The following MCF2L2 variants were observed in gnomAD, a reference collection of about 807,000 sequenced individuals.
The protein encoded by MCF2L2 is MCF.2 cell line derived transforming sequence-like 2.
A neutral mutation model predicts 150.2 loss-of-function variants in MCF2L2; 102 were observed. That is an observed-to-expected ratio of 0.68 (90% CI 0.58 to 0.80). MCF2L2 has a LOEUF of 0.80. Ranked by LOEUF, MCF2L2 falls within the 30% of genes least tolerant of loss-of-function variation. The probability of loss-of-function intolerance (pLI) is 0.00; values close to 1 mark genes in which losing one functional copy is unlikely to be tolerated. For synonymous variants in MCF2L2, 465 were observed against 491.3 expected, an observed-to-expected ratio of 0.95 and a Z score of 0.71; for missense variants, 1,256 against 1,372.8, an observed-to-expected ratio of 0.91 and a Z score of 1.34.
intron 22 of MCF2L2, among the ~76,000 whole-genome samples, chr3:183,212,231 T>C (rs1422626333): frequency 6.6e-6 from 1 of 152,174 alleles, no homozygotes; most frequent in Non-Finnish European, 1.5e-5. Context: ...CGTCTAGCCG[T>C]CAAAACTGTG....
intron 22 of MCF2L2, 128 bp downstream of exon 22, chr3:183,215,841 G>A: frequency 8.7e-7 from 1 of 1,142,954 alleles, no homozygotes; most frequent in Non-Finnish European, 1.2e-6. Context: ...AGCAATTTAG[G>A]CGACTGTCCT....
At chr3:183,184,039 CA>C (rs1192161517) in intron 27 of MCF2L2, among the ~76,000 whole-genome samples, 2 of 152,066 alleles carry the variant, frequency 1.3e-5, no homozygotes, top group East Asian at 1.9e-4. Context: ...GTTTTTGAGA[CA>C]GGGGTCTCGC....
intron 3 of MCF2L2, among the ~76,000 whole-genome samples, chr3:183,368,730 CT>C (rs1187409433): frequency 6.6e-6 from 1 of 152,200 alleles, no homozygotes; most frequent in Non-Finnish European, 1.5e-5. Context: ...TGCCACTGCA[CT>C]CCAGCCTGGG....
At chr3:183,410,992 G>A (rs1261206293) in intron 1 of MCF2L2, among the ~76,000 whole-genome samples, 1 of 152,138 alleles carries the variant, frequency 6.6e-6, no homozygotes, top group Non-Finnish European at 1.5e-5. Context: ...GGCCCAGGGG[G>A]ACCTCCTGCT....
chr3:183,194,297 T>A (rs1722008739), intron 26 of MCF2L2, among the ~76,000 whole-genome samples: 1 of 152,132 alleles, frequency 6.6e-6, no homozygotes, highest in African/African-American at 2.4e-5. Context: ...ATATATTGAG[T>A]ATCCCTGAGT....
intron 1 of MCF2L2, among the ~76,000 whole-genome samples, chr3:183,391,890 G>C (rs755385344): frequency 6.6e-6 from 1 of 150,666 alleles, no homozygotes. Flanking sequence ...GCATTTTTTT[G>C]ATTTCTCTTT....
intron 6 of MCF2L2, among the ~76,000 whole-genome samples, chr3:183,319,145 T>C (rs1219580813): frequency 6.6e-6 from 1 of 152,242 alleles, no homozygotes; most frequent in Non-Finnish European, 1.5e-5. Flanking sequence ...GTAGACTAAG[T>C]TTATGGAATA....
chr3:183,312,404 C>T (rs76716024), intron 7 of MCF2L2, among the ~76,000 whole-genome samples: 34 of 152,326 alleles, frequency 2.2e-4, no homozygotes, highest in African/African-American at 8.2e-4. Context: ...CCAAAGCCAA[C>T]AGCTGTAGTC....
intron 15 of MCF2L2, chr3:183,269,934 TA>T: frequency 6.2e-7 from 1 of 1,614,190 alleles, no homozygotes. Flanking sequence ...TATGAAGTCA[TA>T]TTCTTACAGA....
intron 3 of MCF2L2, among the ~76,000 whole-genome samples, chr3:183,362,580 A>G (rs1044163396): frequency 4.6e-5 from 7 of 150,908 alleles, no homozygotes; most frequent in Admixed American, 1.3e-4. Flanking sequence ...AAGAAGTAAT[A>G]GGTACAATTT....
At chr3:183,383,048 C>T (rs1275349482) in intron 2 of MCF2L2, among the ~76,000 whole-genome samples, 1 of 152,066 alleles carries the variant, frequency 6.6e-6, no homozygotes, top group Admixed American at 6.6e-5. Context: ...AATCTCAGGG[C>T]CTAGGATACT....
chr3:183,270,173 C>G lies in MCF2L2; in HGVS notation c.1862+6699G>C. ...TTCGGTCTCAGCTGAATGCCAACAT[C>G]AAAACTCTGTTTGCCTTAGGAACTC... On this transcript the variant is annotated intron_variant, in intron 15 of 29. Coordinates refer to ENST00000328913, the MANE Select transcript of MCF2L2 (RefSeq NM_015078.4). The surrounding 1 kb of genome is among the most constrained non-coding windows in gnomAD (Gnocchi z 4.5). The G allele has an allele frequency of 6.2e-7, 1 of 1,614,140 alleles. No individual in the cohort carries two copies. The highest frequency in any genetic ancestry group is 1.1e-5 in the South Asian group (1 of 91,078).
rs1333464696 is a variant in MCF2L2 at position 183,347,717 on chromosome 3, A to C, written c.276-6087T>G. 2.6e-5 allele frequency among the ~76,000 whole-genome samples: 4 copies of C among 152,188 alleles called. No homozygotes were observed. In the East Asian group the frequency reaches 7.7e-4, roughly 29 times the overall value. On this transcript the variant is annotated intron_variant, in intron 3 of 29. Transcript: ENST00000328913. The stretch of plus-strand genomic sequence containing the variant: ...TTAAACAAATTTACCAGAAAAAAAC[A>C]ACCTCATCAAAAAGTGGGTGAAGGA...
chr3:183,392,607 G>C (rs1055371047), intron 1 of MCF2L2, among the ~76,000 whole-genome samples: 1 of 152,196 alleles, frequency 6.6e-6, no homozygotes, highest in African/African-American at 2.4e-5. Context: ...GGTTATCCTT[G>C]AAGTCTTCCT....
intron 3 of MCF2L2, among the ~76,000 whole-genome samples, chr3:183,360,496 G>C (rs990424397): frequency 1.3e-5 from 2 of 151,990 alleles, no homozygotes; most frequent in African/African-American, 4.8e-5. Flanking sequence ...GAGTCCGGGA[G>C]TTCAAGGCTG....
chr3:183,230,644 T>A (rs1255370792), intron 16 of MCF2L2, among the ~76,000 whole-genome samples: 1 of 152,178 alleles, frequency 6.6e-6, no homozygotes, highest in Non-Finnish European at 1.5e-5. Flanking sequence ...AAACAAGAAA[T>A]AATCTTCCCT....
At chr3:183,250,106 A>AAC (rs543600608) in intron 15 of MCF2L2, among the ~76,000 whole-genome samples, 19 of 152,206 alleles carry the variant, frequency 1.2e-4, no homozygotes, top group Non-Finnish European at 2.4e-4. Context: ...ACTGACACAT[A>AAC]ACAGCCTGGG....
chr3:183,180,383 C>G (rs1377562576), intron 27 of MCF2L2: 1 of 509,356 alleles, frequency 2.0e-6, no homozygotes, highest in Non-Finnish European at 3.5e-6. Flanking sequence ...GGCGCGTCCA[C>G]ATGCTGTTCA....
At chr3:183,322,692 A>G (rs1448073924) in intron 6 of MCF2L2, among the ~76,000 whole-genome samples, 1 of 152,158 alleles carries the variant, frequency 6.6e-6, no homozygotes, top group Non-Finnish European at 1.5e-5. Context: ...ACATGGGTAT[A>G]TTGCATGATG....
Sources: gnomAD v4.1 joint callset for allele counts (sites outside exome capture counted in the v4.1 genomes callset) on GRCh38, gnomAD v4.1.1 for gene constraint, Gnocchi (gnomAD v3.1) non-coding constraint, MANE v1.5 for transcripts, NCBI Gene and HGNC (gene_info 2026-07-23, HGNC 2026-07-21) for gene names.